The following EXOC2 variants were observed in gnomAD, a reference collection of about 807,000 sequenced individuals.
The protein encoded by EXOC2 is exocyst complex component 2.
A neutral mutation model predicts 131.8 loss-of-function variants in EXOC2; 70 were observed. That is an observed-to-expected ratio of 0.53 (90% CI 0.44 to 0.65). The LOEUF (loss-of-function observed/expected upper bound fraction) is 0.65. EXOC2 is among the 30% of genes least tolerant of loss of function. The pLI is 0.00. For synonymous variants in EXOC2, 411 were observed against 398.4 expected (o/e 1.03, Z -0.38); for missense variants, 923 against 1,108.6 (o/e 0.83, Z 2.38).
chr6:637,377 A>C (rs1762150637), intron 2 of EXOC2, among the ~76,000 whole-genome samples: 1 of 152,216 alleles, frequency 6.6e-6, no homozygotes, highest in Non-Finnish European at 1.5e-5. Context: ...AGACAAGGGA[A>C]GGAAAACTAA....
intron 23 of EXOC2, among the ~76,000 whole-genome samples, chr6:503,889 T>C (rs1280200769): frequency 2.6e-5 from 4 of 152,216 alleles, no homozygotes; most frequent in African/African-American, 7.2e-5. Context: ...GCCTGTCCCG[T>C]GGGCTCTTGG....
At chr6:676,896 C>T (rs1262128785) in intron 1 of EXOC2, among the ~76,000 whole-genome samples, 1 of 115,452 alleles carries the variant, frequency 8.7e-6, no homozygotes, top group African/African-American at 2.9e-5. Flanking sequence ...CCTCTGGAGA[C>T]TGCGGTTCCC....
In EXOC2 at chr6:666,469, AATTAAC is replaced by A. The variant is rs1276483412; in HGVS notation, c.-44+26544_-44+26549del. On this transcript the variant is annotated intron_variant, in intron 1 of 27. Transcript: ENST00000230449. ...ATTTCCAGAAAATTTAGGTCTATTA[AATTAAC>A]ATTATTATTTAGAATTGGGAAACTT... 7.2e-5 allele frequency among the ~76,000 whole-genome samples: 3 copies of A among 41,458 alleles called. 1 individual carries two copies. Among genetic ancestry groups the A allele is most frequent in the African/African-American group, 1.7e-4 (3 of 17,590 alleles). The allele number at this position is 41,458 out of a possible 152,430, so 27.2% of individuals were successfully genotyped here.
intron 21 of EXOC2, among the ~76,000 whole-genome samples, chr6:551,064 G>A (rs376324723): frequency 6.6e-6 from 1 of 152,212 alleles, no homozygotes. Flanking sequence ...AAGAAAAACT[G>A]AACAGCACAG....
At chr6:522,296 G>C (rs1765511976) in intron 23 of EXOC2, among the ~76,000 whole-genome samples, 2 of 146,918 alleles carry the variant, frequency 1.4e-5, no homozygotes. Context: ...GTGTGGGGGA[G>C]CATTGAGCTG....
intron 23 of EXOC2, among the ~76,000 whole-genome samples, chr6:529,121 C>T (rs1003692288): frequency 7.0e-5 from 10 of 142,178 alleles, no homozygotes; most frequent in South Asian, 4.1e-4. Context: ...CTTTTACCCC[C>T]CCCCGCGCCC....
chr6:487,971 ATATT>A (rs374836733), intron 27 of EXOC2, among the ~76,000 whole-genome samples: 1 of 152,304 alleles, frequency 6.6e-6, no homozygotes, highest in African/African-American at 2.4e-5. Flanking sequence ...ATCTTTTATC[ATATT>A]TATTTTAAAG....
At chr6:561,052 CTTAA>C (rs1757675331) in intron 17 of EXOC2, among the ~76,000 whole-genome samples, 1 of 152,090 alleles carries the variant, frequency 6.6e-6, no homozygotes, top group Non-Finnish European at 1.5e-5. Context: ...AAAATAGAAT[CTTAA>C]TTGACTTATT....
At chr6:530,104 T>A (rs1368201395) in intron 23 of EXOC2, among the ~76,000 whole-genome samples, 2 of 152,220 alleles carry the variant, frequency 1.3e-5, no homozygotes, top group Non-Finnish European at 2.9e-5. Flanking sequence ...ATGAGCACTC[T>A]CACTCATTCC....
chr6:514,742 A>G (rs1228455486), intron 23 of EXOC2, among the ~76,000 whole-genome samples: 1 of 152,200 alleles, frequency 6.6e-6, no homozygotes, highest in East Asian at 1.9e-4. Flanking sequence ...GGGGAGGAGC[A>G]CACACCACAG....
At chr6:617,907 G>C (rs1581567029) in intron 5 of EXOC2, 72 bp from the exon 6 acceptor site, 28 of 1,537,126 alleles carry the variant, frequency 1.8e-5, no homozygotes, top group Non-Finnish European at 2.5e-5. Context: ...TCCTTCAGTG[G>C]AGAACACTAA....
At chr6:620,797 G>A (rs1443650515) in intron 4 of EXOC2, among the ~76,000 whole-genome samples, 3 of 152,114 alleles carry the variant, frequency 2.0e-5, no homozygotes, top group African/African-American at 7.2e-5. Flanking sequence ...TCGTTTGGGG[G>A]AAAAATGGCA....
intron 18 of EXOC2, 110 bp from the exon 19 acceptor site, chr6:556,123 G>T: frequency 1.0e-6 from 1 of 974,256 alleles, no homozygotes; most frequent in Non-Finnish European, 1.6e-6. Flanking sequence ...CAGGAGTGGT[G>T]CCCTTCCTAT....
rs546898246 is a variant in EXOC2, at chr6:651,223, CG to C, written c.-43-13363del. Among the ~76,000 whole-genome samples, 972 of 151,998 alleles carry C rather than the reference CG, an allele frequency of 6.4e-3. 8 individuals are homozygous for C. The highest frequency in any genetic ancestry group is 0.012 in the Non-Finnish European group (782 of 67,960). On this transcript the variant is annotated intron_variant, in intron 1 of 27. Coordinates refer to ENST00000230449, the MANE Select transcript of EXOC2 (RefSeq NM_018303.6). Reference sequence around the variant, plus strand: ...TTTTTTTTTGTATTTTTAATAGAGACGGGGTTTCACTATGTTAGCCAGGATG... The same window carrying C: ...TTTTTTTTTGTATTTTTAATAGAGACGGGTTTCACTATGTTAGCCAGGATG...
chr6:672,735 A>C (rs960899380), intron 1 of EXOC2, among the ~76,000 whole-genome samples: 8 of 152,134 alleles, frequency 5.3e-5, no homozygotes, highest in Non-Finnish European at 1.2e-4. Context: ...GAGGGATATA[A>C]GGGAAGTTGC....
intron 23 of EXOC2, among the ~76,000 whole-genome samples, chr6:504,854 C>A (rs548591399): frequency 2.6e-4 from 40 of 152,286 alleles, no homozygotes; most frequent in African/African-American, 8.2e-4. Flanking sequence ...ACCCCCCACC[C>A]TAAGAGAGCT....
chr6:615,452 T>C (rs530778275), intron 6 of EXOC2, among the ~76,000 whole-genome samples: 1 of 152,250 alleles, frequency 6.6e-6, no homozygotes, highest in South Asian at 2.1e-4. Context: ...ATAAGTTAAA[T>C]GACACCACAA....
chr6:635,403 T>C (rs548359421), intron 2 of EXOC2, among the ~76,000 whole-genome samples: 1 of 152,378 alleles, frequency 6.6e-6, no homozygotes, highest in South Asian at 2.1e-4. Context: ...TTAATATCTG[T>C]TGTGCATTTT....
At position 656,897 on chromosome 6, in the gene EXOC2, G is replaced by C. The variant is rs754159463; in HGVS notation, c.-43-19036C>G. On this transcript the variant is annotated intron_variant, in intron 1 of 27. Coordinates refer to ENST00000230449, the MANE Select transcript of EXOC2 (RefSeq NM_018303.6). ...TCGCGACGGTGCCGCTGACGTGAATGAACAGCTCTAGACAGCCTTTGCCGG... is the reference window on the plus strand; with the variant it reads ...TCGCGACGGTGCCGCTGACGTGAATCAACAGCTCTAGACAGCCTTTGCCGG... 10 of 1,594,200 alleles carry C rather than the reference G, an allele frequency of 6.3e-6. No homozygotes were observed. In the Admixed American group the frequency reaches 1.7e-4, roughly 27 times the overall value.
Sources: allele counts gnomAD v4.1 joint callset (sites outside exome capture counted in the v4.1 genomes callset), GRCh38; gene constraint gnomAD v4.1.1; transcripts MANE v1.5; gene names NCBI Gene and HGNC (gene_info 2026-07-23, HGNC 2026-07-21).